The following HLCS variants were observed in gnomAD, a reference collection of about 807,000 sequenced individuals.
The protein encoded by HLCS is biotin--protein ligase.
A neutral mutation model predicts 75.0 loss-of-function variants in HLCS; 53 were observed. That is an observed-to-expected ratio of 0.71 (90% confidence interval 0.57 to 0.89). HLCS has a LOEUF of 0.89. Ranked by LOEUF, HLCS falls within the 40% of genes least tolerant of loss-of-function variation. The probability of loss-of-function intolerance (pLI) is 0.00; values close to 1 mark genes in which losing one functional copy is unlikely to be tolerated. For missense variants in HLCS, 966 were observed against 1,074.0 expected, an observed-to-expected ratio of 0.90 and a Z score of 1.41; for synonymous variants, 431 against 428.6, an observed-to-expected ratio of 1.01 and a Z score of -0.07.
intron 6 of HLCS, among the ~76,000 whole-genome samples, chr21:36,881,838 T>C (rs2064232006): frequency 6.6e-6 from 1 of 152,082 alleles, no homozygotes; most frequent in East Asian, 1.9e-4. Flanking sequence ...CTCTGCACCA[T>C]TTTACTTGAA....
upstream of HLCS, among the ~76,000 whole-genome samples, chr21:36,967,547 A>G (rs143416549): frequency 3.5e-4 from 54 of 152,360 alleles, no homozygotes; most frequent in Non-Finnish European, 6.0e-4. Flanking sequence ...GGCTTCTCCC[A>G]TAGAACCTCA....
chr21:36,860,235 C>G (rs893056774), intron 6 of HLCS, among the ~76,000 whole-genome samples: 29 of 152,060 alleles, frequency 1.9e-4, no homozygotes, highest in Admixed American at 1.6e-3. Flanking sequence ...TAAGCAGAGA[C>G]AGATCACATA....
At chr21:36,813,042 G>C (rs762050747) in intron 6 of HLCS, among the ~76,000 whole-genome samples, 1 of 152,178 alleles carries the variant, frequency 6.6e-6, no homozygotes, top group Non-Finnish European at 1.5e-5. Context: ...CTGAGCAACA[G>C]AGCGAGATTC....
At chr21:36,847,441 T>C (rs1007843422) in intron 6 of HLCS, among the ~76,000 whole-genome samples, 2 of 152,156 alleles carry the variant, frequency 1.3e-5, no homozygotes, top group South Asian at 4.1e-4. Context: ...AAAGTCAGAA[T>C]AAGCACTTAG....
At chr21:36,870,298 G>C (rs773968595) in intron 6 of HLCS, among the ~76,000 whole-genome samples, 4 of 152,050 alleles carry the variant, frequency 2.6e-5, no homozygotes, top group Admixed American at 6.5e-5. Context: ...TACCATGAAG[G>C]GGTGGGGGGA....
chr21:36,901,916 A>G (rs1284679809), intron 5 of HLCS, among the ~76,000 whole-genome samples: 3 of 152,250 alleles, frequency 2.0e-5, no homozygotes, highest in African/African-American at 7.2e-5. Flanking sequence ...GAGATCAAAA[A>G]GAGTGTGCAA....
Position 36,930,324 on chromosome 21 carries a change from G to A in HLCS, c.1547C>T (p.Thr516Ile). The A allele has an allele frequency of 6.2e-7, 1 of 1,614,120 alleles. No homozygotes were observed. The highest frequency in any genetic ancestry group is 8.5e-7 in the Non-Finnish European group (1 of 1,180,006). Residue 516 changes from threonine (T) to isoleucine (I), a missense_variant, in exon 5 of 11, where the codon ACA becomes ATA. Coordinates refer to ENST00000674895, the MANE Select transcript of HLCS (RefSeq NM_001352514.2). ...RRYEVLREIL[T>I]TLGLSCDMKQ... ...CATGTCACAGCTGAGGCCAAGGGTT[G>A]TCAGAATCTCTCTAAGGACTTCGTA...
chr21:36,946,992 G>C (rs975526792), intron 2 of HLCS, among the ~76,000 whole-genome samples: 8 of 152,216 alleles, frequency 5.3e-5, no homozygotes, highest in African/African-American at 1.9e-4. Context: ...CCGTGGCAGG[G>C]CAGACTTCTG....
At chr21:36,764,889 A>G (rs1355030991) in intron 8 of HLCS, 123 bp downstream of exon 8, 1 of 1,054,972 alleles carries the variant, frequency 9.5e-7, no homozygotes, top group Non-Finnish European at 1.5e-6. Flanking sequence ...CTTTGCTGCC[A>G]GCTGTGCAAA....
At chr21:36,766,063 A>T (rs1412574517) in intron 7 of HLCS, among the ~76,000 whole-genome samples, 4 of 152,096 alleles carry the variant, frequency 2.6e-5, no homozygotes, top group African/African-American at 9.7e-5. Context: ...TTTTTGAGAC[A>T]GGGTCTTGCT....
Position 36,910,320 on chromosome 21 carries a change from G to A in HLCS, c.1621-13189C>T, listed in dbSNP as rs190840988. Among the ~76,000 whole-genome samples, 11 of 152,292 alleles carry A rather than the reference G, an allele frequency of 7.2e-5. No individual in the cohort carries two copies. In the East Asian group the frequency reaches 2.1e-3, roughly 29 times the overall value. ...GGCACTTTGGGAGGCTGAGGTGGGT[G>A]GATCACCTGAGGTCAGGAGTTTGAG... On this transcript the variant is annotated intron_variant, in intron 5 of 10. Coordinates refer to ENST00000674895, the MANE Select transcript of HLCS (RefSeq NM_001352514.2).
chr21:36,985,626 C>T (rs1456855654), intron 1 of HLCS, among the ~76,000 whole-genome samples: 1 of 152,106 alleles, frequency 6.6e-6, no homozygotes, highest in Non-Finnish European at 1.5e-5. Context: ...ATTAGCTGGG[C>T]GTGGTAGTGC....
chr21:36,902,687 G>C (rs974917406), intron 5 of HLCS, among the ~76,000 whole-genome samples: 4 of 152,196 alleles, frequency 2.6e-5, no homozygotes, highest in Non-Finnish European at 5.9e-5. Context: ...AGTTTGGGGA[G>C]GGAGGAACGA....
At chr21:36,871,109 A>G (rs1336163422) in intron 6 of HLCS, among the ~76,000 whole-genome samples, 2 of 152,194 alleles carry the variant, frequency 1.3e-5, no homozygotes, top group African/African-American at 2.4e-5. Context: ...CGTATTCCGC[A>G]CACACTTGGA....
At chr21:36,807,274 G>A (rs2061388360) in intron 6 of HLCS, among the ~76,000 whole-genome samples, 1 of 152,016 alleles carries the variant, frequency 6.6e-6, no homozygotes, top group African/African-American at 2.4e-5. Flanking sequence ...TTTATTCATG[G>A]AATAAACCTG....
intron 6 of HLCS, among the ~76,000 whole-genome samples, chr21:36,775,496 C>G (rs990314365): frequency 2.6e-5 from 4 of 152,214 alleles, no homozygotes; most frequent in African/African-American, 4.8e-5. Flanking sequence ...GAGAAATATT[C>G]ATGGTGCCCA....
intron 2 of HLCS, chr21:36,943,856 A>G (rs1314367378): frequency 1.3e-5 from 2 of 152,112 alleles, no homozygotes; most frequent in African/African-American, 4.8e-5. Flanking sequence ...CTCAAGACCA[A>G]TCCTTCTCAG....
At chr21:36,971,094 C>T (rs1036858838), upstream of HLCS, among the ~76,000 whole-genome samples, 2 of 151,528 alleles carry the variant, frequency 1.3e-5, no homozygotes, top group Middle Eastern at 6.9e-3. Context: ...TCAAATCAAG[C>T]AAAAAGTAAT....
At chr21:36,871,944 T>G (rs564875153) in intron 6 of HLCS, among the ~76,000 whole-genome samples, 2 of 152,324 alleles carry the variant, frequency 1.3e-5, no homozygotes, top group East Asian at 3.9e-4. Flanking sequence ...GAGATACAAC[T>G]GCACACCCAC....
Sources: allele counts gnomAD v4.1 joint callset (sites outside exome capture counted in the v4.1 genomes callset), GRCh38; gene constraint gnomAD v4.1.1; transcripts MANE v1.5; gene names NCBI Gene and HGNC (gene_info 2026-07-23, HGNC 2026-07-21).